Variants in TEKT5 observed in about 807,000 individuals in gnomAD.
TEKT5 encodes the protein tektin 5, also known as tektin-5.
A neutral mutation model predicts 48.7 loss-of-function variants in TEKT5; 52 were observed. The ratio of observed to expected loss-of-function variants is 1.07; its 90% confidence interval spans 0.86 to 1.35. The LOEUF is 1.35. TEKT5 is among the 40% of genes most tolerant of loss of function. TEKT5 has a pLI of 0.00. For missense variants in TEKT5, 831 were observed against 641.6 expected (o/e 1.30, Z -3.19); for synonymous variants, 318 against 267.6 (o/e 1.19, Z -1.84).
chr16:10,689,639 T>A (rs567717955), intron 2 of TEKT5, among the ~76,000 whole-genome samples: 1 of 151,294 alleles, frequency 6.6e-6, no homozygotes, highest in African/African-American at 2.4e-5. Flanking sequence ...CATTAAATAA[T>A]GCATATGATG....
At chr16:10,677,069 T>C (rs969931719) in intron 4 of TEKT5, among the ~76,000 whole-genome samples, 1 of 151,800 alleles carries the variant, frequency 6.6e-6, no homozygotes, top group Non-Finnish European at 1.5e-5. Flanking sequence ...TGCATGCCTG[T>C]GGTCCCAGCT....
At position 10,627,711 on chromosome 16, in the gene TEKT5, C is replaced by G. The variant is rs780956752; in HGVS notation, c.1330G>C (p.Val444Leu). The G allele has an allele frequency of 1.9e-6, 3 of 1,614,210 alleles. 1 individual carries two copies. The highest frequency in any genetic ancestry group is 2.2e-5 in the South Asian group (2 of 91,086). Residue 444 changes from valine to leucine, a missense_variant, in exon 7 of 7, where the codon GTC (valine) becomes CTC (leucine). Transcript: ENST00000283025. ...RETQDTLQLL[V>L]MTKCRLEHEL... ...TGCTCCAGCCGGCACTTGGTCATGA[C>G]CAGCAGCTGCAGCGTGTCCTGTGTC...
chr16:10,642,850 G>A (rs1898014574), intron 5 of TEKT5, among the ~76,000 whole-genome samples: 1 of 152,080 alleles, frequency 6.6e-6, no homozygotes, highest in African/African-American at 2.4e-5. Flanking sequence ...GGAAAGGGTG[G>A]GGGATAGAGA....
chr16:10,684,315 C>G (rs1372025316), intron 3 of TEKT5, among the ~76,000 whole-genome samples: 1 of 151,920 alleles, frequency 6.6e-6, no homozygotes, highest in Non-Finnish European at 1.5e-5. Flanking sequence ...CTCTGTCTCT[C>G]TAACCTTTGT....
chr16:10,645,924 G>C lies in TEKT5; in HGVS notation c.1087-10006C>G, dbSNP rs113092819. On this transcript the variant is annotated intron_variant, in intron 5 of 6. Transcript: ENST00000283025. ...AGGTGGGAGGATCGCTTGAGCCAAG[G>C]AGTTTGAGACCAGCCTGGGCAATAT... is the stretch of plus-strand genomic sequence containing the variant. 5.2e-3 allele frequency among the ~76,000 whole-genome samples: 793 copies of C among 151,960 alleles called. 9 individuals are homozygous for C. Among genetic ancestry groups the C allele is most frequent in the African/African-American group, 0.018 (761 of 41,436 alleles).
At chr16:10,673,171 G>C (rs1474442471) in intron 5 of TEKT5, among the ~76,000 whole-genome samples, 1 of 152,198 alleles carries the variant, frequency 6.6e-6, no homozygotes, top group African/African-American at 2.4e-5. Context: ...TGGCCACCCA[G>C]AGATGGTGAG....
intron 5 of TEKT5, among the ~76,000 whole-genome samples, chr16:10,664,945 C>G (rs908051255): frequency 3.3e-5 from 5 of 152,196 alleles, no homozygotes; most frequent in African/African-American, 9.7e-5. Flanking sequence ...TCATTACTCC[C>G]ATTTGACAGA....
chr16:10,676,185 C>A lies in TEKT5; in HGVS notation c.864-4G>T. On this transcript the variant is annotated splice_region_variant and splice_polypyrimidine_tract_variant and intron_variant, in intron 4 of 6. Transcript: ENST00000283025. ...CCAGGTCTCAGGTACGGAGATCCTG[C>A]AAAGGCACAAGGGTGAGTTGCAGCA... The A allele has an allele frequency of 6.2e-7, 1 of 1,614,120 alleles. No homozygotes were observed. Among genetic ancestry groups the A allele is most frequent in the South Asian group, 1.1e-5 (1 of 91,072 alleles).
chr16:10,652,634 A>C (rs1898180753), intron 5 of TEKT5, among the ~76,000 whole-genome samples: 1 of 96,692 alleles, frequency 1.0e-5, no homozygotes, highest in African/African-American at 5.4e-5. Context: ...ACACACACAC[A>C]CACACACCCT....
At chr16:10,676,220 G>A (rs369176106) in intron 4 of TEKT5, 39 bp from the exon 5 acceptor site, 33 of 1,598,668 alleles carry the variant, frequency 2.1e-5, no homozygotes, top group Middle Eastern at 1.6e-4. Flanking sequence ...AGTCCTGGAA[G>A]ACCTCAGAAT....
intron 6 of TEKT5, among the ~76,000 whole-genome samples, chr16:10,629,905 T>C (rs1229508100): frequency 6.6e-6 from 1 of 152,200 alleles, no homozygotes; most frequent in Non-Finnish European, 1.5e-5. Context: ...CTTCTGAGGC[T>C]TTGCTTATCT....
chr16:10,679,685 A>C (rs1232012313), intron 4 of TEKT5, among the ~76,000 whole-genome samples: 1 of 152,080 alleles, frequency 6.6e-6, no homozygotes, highest in African/African-American at 2.4e-5. Context: ...ACCTAAGGTC[A>C]GGAGTTTGAG....
intron 5 of TEKT5, among the ~76,000 whole-genome samples, chr16:10,658,265 G>A (rs1898297364): frequency 1.3e-5 from 2 of 152,068 alleles, no homozygotes; most frequent in African/African-American, 4.8e-5. Flanking sequence ...TCCGTTCCTG[G>A]GAACGCCCAT....
At chr16:10,673,774 C>T (rs936973692) in intron 5 of TEKT5, among the ~76,000 whole-genome samples, 5 of 151,684 alleles carry the variant, frequency 3.3e-5, no homozygotes, top group African/African-American at 1.2e-4. Flanking sequence ...CCTCAGCCTC[C>T]CGAGTAGCTG....
At chr16:10,658,609 G>A (rs1036697922) in intron 5 of TEKT5, among the ~76,000 whole-genome samples, 13 of 151,948 alleles carry the variant, frequency 8.6e-5, no homozygotes, top group African/African-American at 2.9e-4. Context: ...ACTGAGAGGT[G>A]GTATGAGGGG....
At position 10,694,415 on chromosome 16, in the gene TEKT5, T is replaced by G; in HGVS notation, c.459A>C (p.Ser153=). The G allele has an allele frequency of 6.2e-7, 1 of 1,614,162 alleles. No individual in the cohort carries two copies. The change falls in exon 1 of 7, where the codon TCA becomes TCC. Residue 153 remains serine (S), a synonymous_variant. Transcript: ENST00000283025. ...QRLSDIGFWK[S]ELSYELDRLL... ...GCCTGTCCAGCTCATAGCTCAGCTC[T>G]GACTTCCAGAAGCCAATGTCCGACA...
In TEKT5 at chr16:10,671,549, C is replaced by T. The variant is rs556269171; in HGVS notation, c.1086+4410G>A. Reference sequence around the variant, plus strand: ...TTAACCAGTCACAGGAGGACAACTACTGTATGATTCCACTTATATGAAGTC... The same window carrying T: ...TTAACCAGTCACAGGAGGACAACTATTGTATGATTCCACTTATATGAAGTC... On this transcript the variant is annotated intron_variant, in intron 5 of 6. Transcript: ENST00000283025. 3.9e-5 allele frequency among the ~76,000 whole-genome samples: 6 copies of T among 152,316 alleles called. No individual in the cohort carries two copies. The South Asian group carries it at 1.0e-3, about 26-fold the overall frequency.
rs115002749 is a variant in TEKT5, at chr16:10,694,474, G to T, written c.400C>A (p.Gln134Lys). ...CCCAGGTTCCGGCAGGTGCCCTCCT[G>T]CATCTGGTGCGTCAGCTGGTCCTTG... ...QDKDQLTHQM[Q>K]EGTCRNLGQR... The change falls in exon 1 of 7, where the codon CAG becomes AAG. Residue 134 changes from glutamine to lysine, a missense_variant. By Grantham distance (53) the Gln-to-Lys change is moderately conservative. Coordinates refer to ENST00000283025, the MANE Select transcript of TEKT5 (RefSeq NM_144674.2). 192 of 1,614,050 alleles carry T rather than the reference G, an allele frequency of 1.2e-4. No homozygotes were observed. In the Middle Eastern group the frequency reaches 2.1e-3, roughly 18 times the overall value.
At chr16:10,668,165 C>T (rs964806853) in intron 5 of TEKT5, among the ~76,000 whole-genome samples, 5 of 146,930 alleles carry the variant, frequency 3.4e-5, no homozygotes, top group African/African-American at 1.3e-4. Context: ...AGATGTGAGC[C>T]ACCACACCTA....
Sources: gnomAD v4.1 joint callset for allele counts (sites outside exome capture counted in the v4.1 genomes callset) on GRCh38, gnomAD v4.1.1 for gene constraint, MANE v1.5 for transcripts, NCBI Gene and HGNC (gene_info 2026-07-23, HGNC 2026-07-21) for gene names.